The following AFF3 variants were observed in gnomAD, a reference collection of about 807,000 sequenced individuals.
The protein encoded by AFF3 is ALF transcription elongation factor 3.
In AFF3, 32 loss-of-function variants were observed where a neutral mutation model predicts 129.7. That is an observed-to-expected ratio of 0.25 (90% CI 0.19 to 0.33). The LOEUF (loss-of-function observed/expected upper bound fraction) is 0.33. Among genes scored for constraint, AFF3 ranks in the 10% least tolerant of loss-of-function variants. The pLI is 1.00. For synonymous variants in AFF3, 644 were observed against 635.4 expected (o/e 1.01, Z -0.20); for missense variants, 1,373 against 1,592.0 (o/e 0.86, Z 2.34).
chr2:100,092,237 C>T (rs1232787727), intron 4 of AFF3, among the ~76,000 whole-genome samples: 1 of 152,030 alleles, frequency 6.6e-6, no homozygotes, highest in Admixed American at 6.6e-5. Context: ...CTTTCCCTAT[C>T]TCATCACACA....
intron 18 of AFF3, among the ~76,000 whole-genome samples, chr2:99,577,270 C>T (rs55784498): frequency 0.03 from 4,608 of 152,148 alleles, 228 homozygotes; most frequent in African/African-American, 0.1. Context: ...GCCGAGACTC[C>T]GGGTGGCAGT....
In AFF3 at chr2:100,007,398, C is replaced by T; in HGVS notation, c.237G>A (p.Met79Ile). 1 of 1,614,186 alleles carries T rather than the reference C, an allele frequency of 6.2e-7. No individual in the cohort carries two copies. Among genetic ancestry groups the T allele is most frequent in the Non-Finnish European group, 8.5e-7 (1 of 1,180,038 alleles). Residue 79 changes from methionine (M) to isoleucine (I), a missense_variant, in exon 6 of 25, where the codon ATG (methionine) becomes ATA (isoleucine). By Grantham distance (10) the Met-to-Ile change is conservative. Coordinates refer to ENST00000672756, the MANE Select transcript of AFF3 (RefSeq NM_001386135.1). ...TGGATCTATCAGTTAAAAAGTCTTT[C>T]ATTTCATCATAATTGCCTAAAGTGT... ...IQNTLGNYDE[M>I]KDFLTDRSNQ...
chr2:99,589,272 C>T (rs1364267205), intron 15 of AFF3, among the ~76,000 whole-genome samples: 1 of 151,918 alleles, frequency 6.6e-6, no homozygotes, highest in Non-Finnish European at 1.5e-5. Flanking sequence ...GTAAGGAAGA[C>T]AGGGTGTGTA....
At chr2:100,090,731 C>T (rs1689786483) in intron 4 of AFF3, among the ~76,000 whole-genome samples, 1 of 152,124 alleles carries the variant, frequency 6.6e-6, no homozygotes, top group African/African-American at 2.4e-5. Flanking sequence ...GGCTGGAGTG[C>T]AATGGTGCGA....
chr2:99,802,634 GC>G (rs1478672431), intron 8 of AFF3, among the ~76,000 whole-genome samples: 1 of 151,744 alleles, frequency 6.6e-6, no homozygotes, highest in Non-Finnish European at 1.5e-5. Flanking sequence ...CTGCACTCCA[GC>G]CTGGCCAATA....
intron 13 of AFF3, among the ~76,000 whole-genome samples, chr2:99,633,143 G>C (rs1683283407): frequency 6.6e-6 from 1 of 152,170 alleles, no homozygotes; most frequent in Non-Finnish European, 1.5e-5. Context: ...AGGCGGACGG[G>C]TGACTATTAC....
Position 99,568,877 on chromosome 2 carries a change from C to T in AFF3, c.2957G>A (p.Arg986Gln), listed in dbSNP as rs376422531. 6.2e-6 allele frequency: 10 copies of T among 1,614,096 alleles called. No individual in the cohort carries two copies. The highest frequency in any genetic ancestry group is 1.1e-5 in the South Asian group (1 of 91,076). ...SADYFMQEAK[R>Q]MKHKADAMVE... Reference sequence around the variant, plus strand: ...CATTGCATCTGCTTTATGCTTCATTCGTTTAGCTTCTTGCATAAAATAATC... The same window carrying T: ...CATTGCATCTGCTTTATGCTTCATTTGTTTAGCTTCTTGCATAAAATAATC... The change falls in exon 19 of 25, where the codon CGA becomes CAA. Residue 986 changes from arginine to glutamine, a missense_variant. Coordinates refer to ENST00000672756, the MANE Select transcript of AFF3 (RefSeq NM_001386135.1).
At chr2:99,576,815 T>G (rs543662461) in intron 18 of AFF3, among the ~76,000 whole-genome samples, 2 of 152,242 alleles carry the variant, frequency 1.3e-5, no homozygotes, top group South Asian at 4.2e-4. Flanking sequence ...TCTCTTCTTT[T>G]TACAAATGGC....
chr2:99,655,627 T>C (rs748325837), intron 12 of AFF3, among the ~76,000 whole-genome samples: 4 of 152,080 alleles, frequency 2.6e-5, no homozygotes, highest in African/African-American at 9.7e-5. Context: ...GTATGTTAGG[T>C]ATTAACACAG....
At chr2:99,895,440 A>G (rs574834488) in intron 7 of AFF3, among the ~76,000 whole-genome samples, 28 of 152,356 alleles carry the variant, frequency 1.8e-4, no homozygotes, top group Middle Eastern at 3.4e-3. Flanking sequence ...GATACGCTGA[A>G]GTGCAGAGAC....
Position 99,547,211 on chromosome 2 carries a change from G to A in AFF3, c.*4263C>T. ...AAGTTTCCGTGTAAAAATATTCACA[G>A]AAATTGGTGGATGTCTTTTACGTAC... On this transcript the variant is annotated 3_prime_UTR_variant, in exon 25 of 25. Transcript: ENST00000672756. 4.6e-6 allele frequency: 1 copy of A among 215,384 alleles called. No homozygotes were observed. The highest frequency in any genetic ancestry group is 9.4e-6 in the Non-Finnish European group (1 of 106,660). The allele number at this position is 215,384 out of a possible 1,614,324, so 13.3% of individuals were successfully genotyped here.
At chr2:99,587,410 G>T in intron 15 of AFF3, 132 bp from the exon 16 acceptor site, 1 of 1,035,184 alleles carries the variant, frequency 9.7e-7, no homozygotes. Context: ...CACAGCCTGA[G>T]CAGCTGTGCC....
chr2:99,943,309 GT>G (rs1675238853), intron 7 of AFF3, among the ~76,000 whole-genome samples: 1 of 152,196 alleles, frequency 6.6e-6, no homozygotes, highest in Non-Finnish European at 1.5e-5. Context: ...ATGCTGGACA[GT>G]GTCTGCAGTC....
At chr2:99,585,228 A>T (rs1677976933) in intron 16 of AFF3, among the ~76,000 whole-genome samples, 2 of 152,184 alleles carry the variant, frequency 1.3e-5, no homozygotes, top group Admixed American at 1.3e-4. Context: ...TGCATGGAAA[A>T]CAAAACTGTG....
intron 7 of AFF3, among the ~76,000 whole-genome samples, chr2:99,938,827 C>T (rs1362160025): frequency 6.6e-6 from 1 of 152,188 alleles, no homozygotes; most frequent in Non-Finnish European, 1.5e-5. Flanking sequence ...GTCTTAGTGT[C>T]TTTCTCTGGC....
intron 12 of AFF3, among the ~76,000 whole-genome samples, chr2:99,669,143 C>G (rs1171554683): frequency 2.6e-5 from 4 of 151,996 alleles, no homozygotes; most frequent in Non-Finnish European, 5.9e-5. Context: ...ATGCACATAC[C>G]CTACTGCTCA....
intron 13 of AFF3, among the ~76,000 whole-genome samples, chr2:99,648,652 A>G (rs1360711250): frequency 2.0e-5 from 3 of 152,124 alleles, no homozygotes; most frequent in Non-Finnish European, 4.4e-5. Flanking sequence ...CGCCTAAGTG[A>G]CAGGTTTTAC....
rs1313016091 is a variant in AFF3 at position 99,909,558 on chromosome 2, A to C, written c.874-72034T>G. ...CAACATGGCACATGTATACATATGT[A>C]ACAAACCCACACGTTGTGCACATGC... On this transcript the variant is annotated intron_variant, in intron 7 of 24. Coordinates refer to ENST00000672756, the MANE Select transcript of AFF3 (RefSeq NM_001386135.1). Among the ~76,000 whole-genome samples, 3 of 152,144 alleles carry C rather than the reference A, an allele frequency of 2.0e-5. No homozygotes were observed. In the East Asian group the frequency reaches 5.8e-4, roughly 29 times the overall value.
intron 11 of AFF3, among the ~76,000 whole-genome samples, chr2:99,711,341 AAT>A (rs1441147127): frequency 6.6e-6 from 1 of 152,124 alleles, no homozygotes; most frequent in African/African-American, 2.4e-5. Flanking sequence ...TCTCTTCTGT[AAT>A]ATGAGATGTA....
Sources: gnomAD v4.1 joint callset for allele counts (sites outside exome capture counted in the v4.1 genomes callset) on GRCh38, gnomAD v4.1.1 for gene constraint, MANE v1.5 for transcripts, NCBI Gene and HGNC (gene_info 2026-07-23, HGNC 2026-07-21) for gene names.